The following BDNF variants were observed in gnomAD, a reference collection of about 807,000 sequenced individuals.
BDNF encodes neurotrophic factor BDNF precursor form.
Under a neutral mutation model 19.5 loss-of-function variants are expected in BDNF, and 1 was observed. That is an observed-to-expected ratio of 0.05 (90% CI 0.02 to 0.24). BDNF has a LOEUF of 0.24. BDNF is among the 10% of genes least tolerant of loss of function. The pLI is 1.00. For missense variants in BDNF, 195 were observed against 317.6 expected (o/e 0.61, Z 2.93); for synonymous variants, 100 against 121.6 (o/e 0.82, Z 1.17).
At chr11:27,684,735 T>C (rs186429688) in intron 1 of BDNF, among the ~76,000 whole-genome samples, 357 of 152,326 alleles carry the variant, frequency 2.3e-3, no homozygotes, top group African/African-American at 8.2e-3. Context: ...CAGCCTTGCA[T>C]CCCAGGGATG....
intron 1 of BDNF, among the ~76,000 whole-genome samples, chr11:27,709,075 C>T (rs920887381): frequency 2.0e-5 from 3 of 151,888 alleles, no homozygotes; most frequent in Non-Finnish European, 2.9e-5. Flanking sequence ...GTGATCCACC[C>T]GCCTCAGCCT....
At chr11:27,682,584 G>A (rs550858098) in intron 1 of BDNF, among the ~76,000 whole-genome samples, 3 of 152,078 alleles carry the variant, frequency 2.0e-5, no homozygotes, top group African/African-American at 7.2e-5. Context: ...ACAGGCCCCA[G>A]TGTGTGATGT....
At chr11:27,703,960 TA>T (rs1296561931), upstream of BDNF, among the ~76,000 whole-genome samples, 2 of 152,226 alleles carry the variant, frequency 1.3e-5, no homozygotes, top group African/African-American at 4.8e-5. Context: ...CATGGAATTC[TA>T]AATATTATTT....
chr11:27,719,380 GTTC>G (rs1328140432), intron 1 of BDNF: 21 of 817,348 alleles, frequency 2.6e-5, no homozygotes, highest in South Asian at 5.5e-5. Flanking sequence ...AGCTAAAAGT[GTTC>G]TTCTCCACCG....
rs1725657551 is a variant in BDNF, at chr11:27,658,812, A to G, written c.-21-227T>C. 4.2e-6 allele frequency: 6 copies of G among 1,417,534 alleles called. No individual in the cohort carries two copies. Among genetic ancestry groups the G allele is most frequent in the Non-Finnish European group, 4.6e-6 (5 of 1,082,124 alleles). The allele number at this position is 1,417,534 out of a possible 1,614,324, so 87.8% of individuals were successfully genotyped here. On this transcript the variant is annotated intron_variant, in intron 1 of 1. Coordinates refer to ENST00000356660, the MANE Select transcript of BDNF (RefSeq NM_001709.5). This position sits in a 1 kb window ranked among gnomAD's most constrained non-coding sequence, Gnocchi z 5.7. ...TGCAGTGTTTCCCCCAAGATCTAGC[A>G]TATAAACCTGAGATTAGATGGCTTC...
intron 1 of BDNF, among the ~76,000 whole-genome samples, chr11:27,662,700 G>A (rs1190772755): frequency 6.6e-6 from 1 of 152,206 alleles, no homozygotes; most frequent in African/African-American, 2.4e-5. Flanking sequence ...TCACAACAGG[G>A]CTCATGCTTC....
intron 1 of BDNF, chr11:27,660,309 C>T (rs57083135): frequency 0.014 from 13,610 of 983,374 alleles, 293 homozygotes; most frequent in African/African-American, 0.081. Context: ...GATTTACTCT[C>T]ACTTTGCACG....
chr11:27,677,865 C>T (rs554482709), intron 1 of BDNF: 1 of 152,224 alleles, frequency 6.6e-6, no homozygotes, highest in South Asian at 2.1e-4. Flanking sequence ...CACCAATCAC[C>T]AAAAACAGAG....
chr11:27,721,496 G>T, exon 1 of BDNF: 1 of 1,513,452 alleles, frequency 6.6e-7, no homozygotes, highest in Non-Finnish European at 9.2e-7. Context: ...TGTCTTGTTT[G>T]AAGTCATCAT....
intron 1 of BDNF, among the ~76,000 whole-genome samples, chr11:27,710,580 A>T (rs1210820347): frequency 1.3e-5 from 2 of 152,228 alleles, no homozygotes; most frequent in Non-Finnish European, 2.9e-5. Flanking sequence ...TAAACATTCT[A>T]GTCCCCAACA....
chr11:27,702,604 T>G (rs2134092930), upstream of BDNF, among the ~76,000 whole-genome samples: 1 of 152,324 alleles, frequency 6.6e-6, no homozygotes, highest in East Asian at 1.9e-4. Flanking sequence ...AACAGTTTCC[T>G]TTCCTGGACC....
intron 1 of BDNF, chr11:27,699,370 T>C: frequency 3.7e-6 from 6 of 1,613,778 alleles, no homozygotes; most frequent in Non-Finnish European, 5.1e-6. Flanking sequence ...TTTCCAGGAG[T>C]AACTCACTCA....
chr11:27,697,158 C>CAGAGAGAGAGAGAGAGAG (rs1198756508), intron 1 of BDNF, among the ~76,000 whole-genome samples: 74 of 113,650 alleles, frequency 6.5e-4, no homozygotes, highest in Middle Eastern at 4.1e-3. Flanking sequence ...CACACACACA[C>CAGAGAGAGAGAGAGAGAG]ACACACAGAG....
chr11:27,692,299 A>G (rs1685072201), intron 1 of BDNF, among the ~76,000 whole-genome samples: 1 of 152,172 alleles, frequency 6.6e-6, no homozygotes. Flanking sequence ...TTTTAGTGTC[A>G]TTTCTAAAAG....
At chr11:27,687,379 T>C (rs1857615947) in intron 1 of BDNF, among the ~76,000 whole-genome samples, 1 of 152,166 alleles carries the variant, frequency 6.6e-6, no homozygotes. Flanking sequence ...GAGGAGTCTG[T>C]TTTTACCCAC....
intron 1 of BDNF, among the ~76,000 whole-genome samples, chr11:27,711,189 C>G (rs1283700596): frequency 6.6e-6 from 1 of 152,158 alleles, no homozygotes. Context: ...GTTTCCTTAT[C>G]TTTAAAAGAA....
At chr11:27,673,248 CAA>C (rs376465673) in intron 1 of BDNF, among the ~76,000 whole-genome samples, 27 of 66,140 alleles carry the variant, frequency 4.1e-4, no homozygotes, top group Admixed American at 5.6e-4. Context: ...ATGCTGTGTA[CAA>C]AAAAAAAAAA....
rs78675155 is a variant in BDNF at position 27,658,307 on chromosome 11, G to A, written c.258C>T (p.Asp86=). ...KVRPNEENNK[D]ADLYTSRVML... Reference sequence around the variant, plus strand: ...TCACCCTGGACGTGTACAAGTCTGCGTCCTTATTGTTTTCTTCATTGGGCC... The same window carrying A: ...TCACCCTGGACGTGTACAAGTCTGCATCCTTATTGTTTTCTTCATTGGGCC... Residue 86 remains aspartate, a synonymous_variant, in exon 2 of 2, where the codon GAC becomes GAT. Coordinates refer to ENST00000356660, the MANE Select transcript of BDNF (RefSeq NM_001709.5). The surrounding 1 kb of genome is among the most constrained non-coding windows in gnomAD (Gnocchi z 5.7). The A allele has an allele frequency of 3.5e-5, 56 of 1,613,976 alleles. No individual in the cohort carries two copies. The highest frequency in any genetic ancestry group is 6.7e-5 in the Admixed American group (4 of 59,994).
At chr11:27,699,505 G>A in intron 1 of BDNF, 1 of 1,612,832 alleles carries the variant, frequency 6.2e-7, no homozygotes, top group Non-Finnish European at 8.5e-7. Flanking sequence ...TCAGAAGAGG[G>A]GCGCAGGATG....
Sources: gnomAD v4.1 joint callset for allele counts (sites outside exome capture counted in the v4.1 genomes callset) on GRCh38, gnomAD v4.1.1 for gene constraint, Gnocchi (gnomAD v3.1) non-coding constraint, MANE v1.5 for transcripts, NCBI Gene and HGNC (gene_info 2026-07-23, HGNC 2026-07-21) for gene names.